Variants in ANGPTL5 observed in about 807,000 individuals in gnomAD.
ANGPTL5 encodes angiopoietin like 5, also known as angiopoietin-related protein 5.
Under a neutral mutation model 39.4 loss-of-function variants are expected in ANGPTL5, and 34 were observed. That is an observed-to-expected ratio of 0.86 (90% CI 0.66 to 1.15). The LOEUF (loss-of-function observed/expected upper bound fraction) is 1.15, where lower values mean the gene tolerates loss of function less well. Among genes scored for constraint, ANGPTL5 ranks in the 50% most tolerant of loss-of-function variants. The pLI is 0.00. For missense variants in ANGPTL5, 467 were observed against 457.5 expected (o/e 1.02, Z -0.19); for synonymous variants, 146 against 152.1 (o/e 0.96, Z 0.29).
chr11:101,915,408 T>A, intron 1 of ANGPTL5: 1 of 1,612,594 alleles, frequency 6.2e-7, no homozygotes, highest in Non-Finnish European at 8.5e-7. Context: ...ACCTGGCTCT[T>A]ACCTGTATCC....
chr11:101,900,246 C>A (rs1309829309), intron 7 of ANGPTL5, among the ~76,000 whole-genome samples, 184 bp downstream of exon 7: 1 of 152,164 alleles, frequency 6.6e-6, no homozygotes, highest in Non-Finnish European at 1.5e-5. Flanking sequence ...ATAAAGATTT[C>A]CAGATCTCCA....
chr11:101,905,944 G>A, intron 3 of ANGPTL5, 97 bp from the exon 4 acceptor site: 1 of 715,530 alleles, frequency 1.4e-6, no homozygotes, highest in Non-Finnish European at 2.5e-6. Context: ...GGATATGTAT[G>A]TTAACTCAAT....
chr11:101,907,916 C>T lies in ANGPTL5; in HGVS notation c.-7G>A. ...CTTGGGATGGAGACATCATATTTTT[C>T]TTGGATAGATGAAAACACTTCTTCA... On this transcript the variant is annotated 5_prime_UTR_variant, in exon 2 of 9. Transcript: ENST00000334289. The T allele has an allele frequency of 6.4e-7, 1 of 1,571,546 alleles. No homozygotes were observed. The highest frequency in any genetic ancestry group is 8.8e-7 in the Non-Finnish European group (1 of 1,142,008).
At chr11:101,901,015 C>CTTTTTTTTTTTTTTTTT (rs34425298) in intron 6 of ANGPTL5, among the ~76,000 whole-genome samples, 4 of 98,654 alleles carry the variant, frequency 4.1e-5, no homozygotes, top group African/African-American at 8.4e-5. Context: ...GCACCCCCGG[C>CTTTTTTTTTTTTTTTTT]TTTTTTTTTT....
intron 4 of ANGPTL5, among the ~76,000 whole-genome samples, 153 bp from the exon 5 acceptor site, chr11:101,905,060 T>C (rs952101821): frequency 4.6e-5 from 7 of 152,220 alleles, no homozygotes; most frequent in African/African-American, 1.7e-4. Context: ...CAAAGCTAAA[T>C]AGCAATCATT....
intron 1 of ANGPTL5, among the ~76,000 whole-genome samples, chr11:101,911,561 T>G (rs940202507): frequency 6.6e-6 from 1 of 152,094 alleles, no homozygotes; most frequent in African/African-American, 2.4e-5. Context: ...TGAGATCCGG[T>G]CATTTTAAAA....
Position 101,891,588 on chromosome 11 carries a change from G to T in ANGPTL5, c.858C>A (p.Phe286Leu), listed in dbSNP as rs763486363. ...GRYSGNAGDAFRGLKKEDNQN... is the reference protein window; with the variant it reads ...GRYSGNAGDALRGLKKEDNQN... ...GATTATCTTCTTTTTTGAGACCCCG[G>T]AATGCATCACCTGGGAAAAAAATTT... Residue 286 changes from phenylalanine to leucine, a missense_variant, in exon 9 of 9, where the codon TTC (phenylalanine) becomes TTA (leucine). By Grantham distance (22) the Phe-to-Leu change is conservative. Transcript: ENST00000334289. 1 of 1,613,640 alleles carries T rather than the reference G, an allele frequency of 6.2e-7. No individual in the cohort carries two copies. Among genetic ancestry groups the T allele is most frequent in the Admixed American group, 1.7e-5 (1 of 59,928 alleles).
At position 101,907,163 on chromosome 11, in the gene ANGPTL5, A is replaced by T. The variant is rs1940011188; in HGVS notation, c.181T>A (p.Cys61Ser). 8 of 1,592,608 alleles carry T rather than the reference A, an allele frequency of 5.0e-6. No homozygotes were observed. Among genetic ancestry groups the T allele is most frequent in the Non-Finnish European group, 6.9e-6 (8 of 1,162,966 alleles). The part of the protein sequence containing the change: ...KSNDTVCKED[C>S]EESCDVKTKI... ...GTTTTAACATCACATGATTCCTCACAGTCTTCCTTACAAACAGTATCATTA... is the reference window on the plus strand; with the variant it reads ...GTTTTAACATCACATGATTCCTCACTGTCTTCCTTACAAACAGTATCATTA... The change falls in exon 3 of 9, where the codon TGT becomes AGT. Residue 61 changes from cysteine to serine, a missense_variant. Transcript: ENST00000334289.
intron 8 of ANGPTL5, among the ~76,000 whole-genome samples, chr11:101,892,945 AG>A (rs1404020333): frequency 6.6e-6 from 1 of 152,186 alleles, no homozygotes; most frequent in African/African-American, 2.4e-5. Context: ...CACACATTGT[AG>A]GTATTTTCAG....
intron 7 of ANGPTL5, among the ~76,000 whole-genome samples, chr11:101,898,109 A>C (rs1302195084): frequency 6.6e-6 from 1 of 151,966 alleles, no homozygotes; most frequent in Non-Finnish European, 1.5e-5. Context: ...TGTAATCCCA[A>C]CTACTCGGGA....
At chr11:101,896,645 C>A (rs937401751) in intron 7 of ANGPTL5, among the ~76,000 whole-genome samples, 1 of 152,010 alleles carries the variant, frequency 6.6e-6, no homozygotes, top group African/African-American at 2.4e-5. Flanking sequence ...CTGAGAATGA[C>A]GGTTTCTAGC....
chr11:101,896,069 C>G (rs941377871), intron 7 of ANGPTL5, among the ~76,000 whole-genome samples: 1 of 152,090 alleles, frequency 6.6e-6, no homozygotes, highest in Admixed American at 6.6e-5. Context: ...ACACAGTATA[C>G]AACACTTCAA....
intron 1 of ANGPTL5, among the ~76,000 whole-genome samples, chr11:101,912,518 A>C (rs1054265345): frequency 5.9e-5 from 9 of 152,322 alleles, no homozygotes; most frequent in African/African-American, 2.2e-4. Context: ...CTACAACTTA[A>C]ATAGAATGTG....
chr11:101,894,830 T>A, intron 8 of ANGPTL5, 49 bp downstream of exon 8: 1 of 1,466,026 alleles, frequency 6.8e-7, no homozygotes, highest in Non-Finnish European at 9.5e-7. Context: ...TAATAATGAG[T>A]CAGTTATAAT....
chr11:101,899,239 C>T (rs755208095), intron 7 of ANGPTL5, among the ~76,000 whole-genome samples: 1 of 152,124 alleles, frequency 6.6e-6, no homozygotes, highest in East Asian at 1.9e-4. Flanking sequence ...CTTCTTTGTA[C>T]CTCTGGTAAA....
At chr11:101,894,722 T>C (rs1939759946) in intron 8 of ANGPTL5, among the ~76,000 whole-genome samples, 157 bp downstream of exon 8, 1 of 152,198 alleles carries the variant, frequency 6.6e-6, no homozygotes, top group Non-Finnish European at 1.5e-5. Flanking sequence ...TAACAAAGTT[T>C]CAAAACTCAA....
intron 1 of ANGPTL5, chr11:101,915,049 CT>C: frequency 2.0e-6 from 1 of 497,262 alleles, no homozygotes; most frequent in East Asian, 3.2e-5. Context: ...TGCAGGGTTG[CT>C]GCCGCCCCAT....
rs1940028030 is a variant in ANGPTL5 at position 101,907,988 on chromosome 11, T to C, written c.-79A>G. The C allele has an allele frequency of 2.9e-6, 3 of 1,041,596 alleles. No homozygotes were observed. The highest frequency in any genetic ancestry group is 4.4e-6 in the Non-Finnish European group (3 of 680,548). The allele number at this position is 1,041,596 out of a possible 1,614,324, so 64.5% of individuals were successfully genotyped here. A position where few individuals can be genotyped will look rare whatever the true frequency, so the allele number is the denominator to read the frequency against. On this transcript the variant is annotated 5_prime_UTR_variant, in exon 2 of 9. Transcript: ENST00000334289. ...GAAAGAACTACAGAGCATAGAGTCT[T>C]CAGTTAAAAACCTCTGGAAAGCGTA...
In ANGPTL5 at chr11:101,915,202, G is replaced by C. The variant is rs1182477927; in HGVS notation, c.-93+817C>G. On this transcript the variant is annotated intron_variant, in intron 1 of 8. Coordinates refer to ENST00000334289, the MANE Select transcript of ANGPTL5 (RefSeq NM_178127.5). ...GGCCTGAGAGACGGAGTGTAGGGAG[G>C]GGCCGAGCAGGAGGAGGAGGAAGCC... 1.9e-6 allele frequency: 3 copies of C among 1,580,124 alleles called. No homozygotes were observed. The African/African-American group carries it at 4.0e-5, about 21-fold the overall frequency.
Sources: gnomAD v4.1 joint callset for allele counts (sites outside exome capture counted in the v4.1 genomes callset) on GRCh38, gnomAD v4.1.1 for gene constraint, MANE v1.5 for transcripts, NCBI Gene and HGNC (gene_info 2026-07-23, HGNC 2026-07-21) for gene names.